ZRANB2: variants seen among roughly 807,000 people sequenced by gnomAD.
ZRANB2 encodes the protein zinc finger Ran-binding domain-containing protein 2.
In ZRANB2, 19 loss-of-function variants were observed where a neutral mutation model predicts 53.4. The observed-to-expected ratio is 0.36, with a 90% CI of 0.25 to 0.52. The LOEUF is 0.52. ZRANB2 is among the 20% of genes least tolerant of loss of function. The probability of loss-of-function intolerance (pLI) is 0.93; values close to 1 mark genes in which losing one functional copy is unlikely to be tolerated. For missense variants in ZRANB2, 309 were observed against 401.1 expected (o/e 0.77, Z 1.96); for synonymous variants, 145 against 134.8 (o/e 1.08, Z -0.52).
chr1:71,080,337 C>T (rs190926263), intron 1 of ZRANB2, among the ~76,000 whole-genome samples: 2 of 152,176 alleles, frequency 1.3e-5, no homozygotes, highest in East Asian at 3.9e-4. Context: ...AAAACACAGG[C>T]CTCTTCCCTC....
intron 9 of ZRANB2, 121 bp from the exon 10 acceptor site, chr1:71,065,258 A>C: frequency 1.4e-6 from 1 of 710,768 alleles, no homozygotes; most frequent in Non-Finnish European, 2.2e-6. Context: ...AAAAATTAAA[A>C]ATTGAGATAG....
In ZRANB2 at chr1:71,065,151, T is replaced by G. The variant is rs761800037; in HGVS notation, c.930-14A>C. On this transcript the variant is annotated splice_polypyrimidine_tract_variant and intron_variant, in intron 9 of 9. Transcript: ENST00000370920. Reference sequence around the variant, plus strand: ...GACCTGTGGCGTCTGTAAGACATAATGGAGAGAGTAGGCATTCTAGTAAGC... The same window carrying G: ...GACCTGTGGCGTCTGTAAGACATAAGGGAGAGAGTAGGCATTCTAGTAAGC... The G allele has an allele frequency of 6.2e-7, 1 of 1,603,996 alleles. No homozygotes were observed.
intron 4 of ZRANB2, among the ~76,000 whole-genome samples, chr1:71,075,114 A>G (rs1661677979): frequency 6.6e-6 from 1 of 152,240 alleles, no homozygotes. Flanking sequence ...GAAACTGTTA[A>G]AAAGATTTTA....
intron 8 of ZRANB2, 52 bp downstream of exon 8, chr1:71,069,224 A>G (rs369269226): frequency 6.9e-7 from 1 of 1,456,576 alleles, no homozygotes; most frequent in Non-Finnish European, 9.4e-7. Flanking sequence ...CACCTTCTGC[A>G]GCCTTTAAAT....
At chr1:71,066,689 A>G in intron 9 of ZRANB2, 87 bp downstream of exon 9, 1 of 1,414,178 alleles carries the variant, frequency 7.1e-7, no homozygotes, top group South Asian at 1.4e-5. Context: ...AAGAGATAAT[A>G]AAAATCTAAC....
At chr1:71,071,162 G>C (rs751540443) in intron 6 of ZRANB2, among the ~76,000 whole-genome samples, 166 bp from the exon 7 acceptor site, 5 of 152,116 alleles carry the variant, frequency 3.3e-5, no homozygotes, top group Admixed American at 6.6e-5. Context: ...CTCAAATAGA[G>C]ACTTGACAAC....
At chr1:71,072,337 T>G in intron 5 of ZRANB2, 82 bp from the exon 6 acceptor site, 1 of 1,458,012 alleles carries the variant, frequency 6.9e-7, no homozygotes, top group South Asian at 1.3e-5. Flanking sequence ...ATTTTAGATA[T>G]TTATGATTTC....
At chr1:71,075,834 G>A (rs1245734110) in intron 4 of ZRANB2, among the ~76,000 whole-genome samples, 3 of 151,834 alleles carry the variant, frequency 2.0e-5, no homozygotes, top group Non-Finnish European at 2.9e-5. Context: ...GTGGCGGTTG[G>A]GCTGGGGAAG....
At chr1:71,077,652 G>A (rs982856138) in intron 3 of ZRANB2, among the ~76,000 whole-genome samples, 2 of 152,088 alleles carry the variant, frequency 1.3e-5, no homozygotes, top group Non-Finnish European at 2.9e-5. Context: ...TCAGGTGTTC[G>A]AGGCCATCCT....
At chr1:71,066,665 GA>G in intron 9 of ZRANB2, 110 bp downstream of exon 9, 4 of 1,153,146 alleles carry the variant, frequency 3.5e-6, no homozygotes, top group Non-Finnish European at 4.9e-6. Context: ...TTGAAAAGTA[GA>G]AAGTCGGAAC....
intron 1 of ZRANB2, among the ~76,000 whole-genome samples, chr1:71,079,603 G>A (rs531253652): frequency 6.6e-6 from 1 of 152,252 alleles, no homozygotes; most frequent in Admixed American, 6.5e-5. Context: ...ATTAAGCATG[G>A]AAAATATACT....
intron 9 of ZRANB2, chr1:71,065,630 G>A: frequency 6.4e-7 from 1 of 1,567,880 alleles, no homozygotes; most frequent in Non-Finnish European, 8.6e-7. Context: ...TGTACAATTT[G>A]CTATAGGGTT....
At chr1:71,079,778 AGTT>A (rs749418601) in intron 1 of ZRANB2, among the ~76,000 whole-genome samples, 84 of 152,342 alleles carry the variant, frequency 5.5e-4, no homozygotes, top group Admixed American at 1.9e-3. Flanking sequence ...CAAAGTCAGA[AGTT>A]GTTGTTCTAA....
chr1:71,070,477 G>A lies in ZRANB2; in HGVS notation c.683+350C>T, dbSNP rs17090787. 7.5e-3 allele frequency among the ~76,000 whole-genome samples: 1,146 copies of A among 152,120 alleles called. 18 individuals carry two copies. The highest frequency in any genetic ancestry group is 0.026 in the African/African-American group (1,073 of 41,514). ...TTTCTGTGCTAGCCTTTAACATCTT[G>A]AATGAAAATACAGATCTCCCCTTTA... On this transcript the variant is annotated intron_variant, in intron 7 of 9. Coordinates refer to ENST00000370920, the MANE Select transcript of ZRANB2 (RefSeq NM_203350.3).
intron 4 of ZRANB2, among the ~76,000 whole-genome samples, chr1:71,075,778 A>T (rs1014321654): frequency 1.3e-5 from 2 of 152,076 alleles, no homozygotes; most frequent in Non-Finnish European, 2.9e-5. Context: ...ATCGGTGGAA[A>T]GGCAAAATCA....
chr1:71,076,731 A>ATTATCGTTTCAATATTTAG, intron 4 of ZRANB2, 64 bp downstream of exon 4: 1 of 1,210,144 alleles, frequency 8.3e-7, no homozygotes, highest in East Asian at 2.4e-5. Context: ...AGGTGATACA[A>ATTATCGTTTCAATATTTAG]TTATCGTTTC....
chr1:71,073,567 G>A (rs2101048093), intron 4 of ZRANB2, among the ~76,000 whole-genome samples: 1 of 151,376 alleles, frequency 6.6e-6, no homozygotes, highest in Middle Eastern at 3.4e-3. Flanking sequence ...CACTAATATA[G>A]CATCTTTTCT....
At chr1:71,072,931 T>A (rs1039676146) in intron 4 of ZRANB2, among the ~76,000 whole-genome samples, 7 of 152,066 alleles carry the variant, frequency 4.6e-5, no homozygotes, top group Non-Finnish European at 8.8e-5. Flanking sequence ...TTCCACTGTT[T>A]ACCAACTGCA....
chr1:71,078,628 A>G (rs941900955), intron 2 of ZRANB2, 28 bp downstream of exon 2: 1 of 1,610,106 alleles, frequency 6.2e-7, no homozygotes, highest in Non-Finnish European at 8.5e-7. Context: ...CATATACAGT[A>G]TAAATAGAAT....
Sources: gnomAD v4.1 joint callset for allele counts (sites outside exome capture counted in the v4.1 genomes callset) on GRCh38, gnomAD v4.1.1 for gene constraint, MANE v1.5 for transcripts, NCBI Gene and HGNC (gene_info 2026-07-23, HGNC 2026-07-21) for gene names.